The following ENDOV variants were observed in gnomAD, a reference collection of about 807,000 sequenced individuals.
ENDOV encodes endonuclease V.
A neutral mutation model predicts 39.4 loss-of-function variants in ENDOV; 37 were observed. The ratio of observed to expected loss-of-function variants is 0.94; its 90% CI spans 0.72 to 1.23. ENDOV has a LOEUF of 1.23. Among genes scored for constraint, ENDOV ranks in the 50% most tolerant of loss-of-function variants. ENDOV has a pLI of 0.00. For missense variants in ENDOV, 441 were observed against 375.7 expected (o/e 1.17, Z -1.44); for synonymous variants, 186 against 163.4 (o/e 1.14, Z -1.05).
intron 9 of ENDOV, among the ~76,000 whole-genome samples, chr17:80,435,352 G>T (rs1443664137): frequency 6.6e-6 from 1 of 152,214 alleles, no homozygotes; most frequent in Non-Finnish European, 1.5e-5. Flanking sequence ...TATAGTTTTA[G>T]TGCTTCTTAC....
Position 80,429,802 on chromosome 17 carries a change from GC to G in ENDOV, c.813del (p.Gly273GlufsTer29). On this transcript the variant is annotated frameshift_variant, in exon 9 of 10. Coordinates refer to ENST00000518137, the MANE Select transcript of ENDOV (RefSeq NM_173627.5). LOFTEE classifies it high-confidence loss of function. ...CCGAAGGCGCAGAGGCCAGTGGCAT[GC>G]CCCAAAGGAGACTCCGGAGAGTCCT... ...RSPKAQRPVACPKGDSGESSA... is the reference protein window; with the variant it reads ...RSPKAQRPVAXPKGDSGESSA... 6 of 1,612,070 alleles carry G rather than the reference GC, an allele frequency of 3.7e-6. No individual in the cohort carries two copies. Among genetic ancestry groups the G allele is most frequent in the Non-Finnish European group, 5.1e-6 (6 of 1,179,546 alleles).
chr17:80,422,829 A>G (rs41298724), intron 4 of ENDOV, among the ~76,000 whole-genome samples: 2,045 of 152,248 alleles, frequency 0.013, 49 homozygotes, highest in African/African-American at 0.046. Flanking sequence ...CCTCCTGAGT[A>G]GCTGAGACTA....
intron 5 of ENDOV, among the ~76,000 whole-genome samples, chr17:80,424,703 C>G (rs2082469235): frequency 1.3e-5 from 2 of 152,200 alleles, no homozygotes; most frequent in African/African-American, 4.8e-5. Context: ...CTCCTGTAAT[C>G]CCAGCACTTT....
chr17:80,428,008 AC>A (rs1306110855), intron 7 of ENDOV, among the ~76,000 whole-genome samples: 2 of 151,566 alleles, frequency 1.3e-5, no homozygotes, highest in Admixed American at 6.6e-5. Context: ...CCAGGGCCAG[AC>A]CCCCCATGCC....
intron 4 of ENDOV, among the ~76,000 whole-genome samples, chr17:80,423,057 A>G (rs550404968): frequency 6.6e-6 from 1 of 152,348 alleles, no homozygotes; most frequent in East Asian, 1.9e-4. Context: ...AGCAGCACCC[A>G]GAGAGGGCCC....
At chr17:80,416,708 C>T (rs991749868) in intron 2 of ENDOV, among the ~76,000 whole-genome samples, 13 of 147,040 alleles carry the variant, frequency 8.8e-5, no homozygotes, top group African/African-American at 3.3e-4. Flanking sequence ...CCCTCCCTCC[C>T]TCCCTTCCTT....
At position 80,436,366 on chromosome 17, in the gene ENDOV, C is replaced by T. The variant is rs2083596425; in HGVS notation, c.*223C>T. 10 of 1,482,132 alleles carry T rather than the reference C, an allele frequency of 6.7e-6. No individual in the cohort carries two copies. Among genetic ancestry groups the T allele is most frequent in the South Asian group, 1.3e-5 (1 of 79,526 alleles). 91.8% of individuals were successfully genotyped at this position (1,482,132 alleles called of 1,614,324 possible). On this transcript the variant is annotated 3_prime_UTR_variant, in exon 10 of 10. Transcript: ENST00000518137. ...TGTCTTGTTCCTGATCTTAAGGGAA[C>T]GTTTGCAGTCTTTCACCACTAGATG...
chr17:80,415,422 C>T lies in ENDOV; in HGVS notation c.56+172C>T, dbSNP rs1262252681. 17 of 1,016,914 alleles carry T rather than the reference C, an allele frequency of 1.7e-5. No homozygotes were observed. The Middle Eastern group carries it at 1.3e-3, about 76-fold the overall frequency. 63.0% of individuals were successfully genotyped at this position (1,016,914 alleles called of 1,614,324 possible). Reference sequence around the variant, plus strand: ...CGGAGGGATCTCAGGAATTGTAGTCCGCGGGGTGGGCGCGGTTCTCGCTTC... The same window carrying T: ...CGGAGGGATCTCAGGAATTGTAGTCTGCGGGGTGGGCGCGGTTCTCGCTTC... On this transcript the variant is annotated intron_variant, in intron 1 of 9. Coordinates refer to ENST00000518137, the MANE Select transcript of ENDOV (RefSeq NM_173627.5).
chr17:80,425,239 G>A (rs1009841900), intron 6 of ENDOV, 139 bp downstream of exon 6: 62 of 869,626 alleles, frequency 7.1e-5, no homozygotes, highest in Non-Finnish European at 1.0e-4. Context: ...CCATCCTCCT[G>A]CCTCTGACTG....
chr17:80,419,710 C>G (rs996750990), intron 2 of ENDOV: 4 of 701,034 alleles, frequency 5.7e-6, no homozygotes, highest in Middle Eastern at 2.3e-4. Context: ...TGACGTCCAG[C>G]TTCTTCACTG....
intron 9 of ENDOV, chr17:80,430,149 C>T (rs1054847552): frequency 1.5e-5 from 22 of 1,513,868 alleles, no homozygotes; most frequent in Admixed American, 2.1e-5. Flanking sequence ...CTCTTTGCTC[C>T]GTCATCGGCT....
At chr17:80,432,427 G>T (rs1414420091) in intron 9 of ENDOV, among the ~76,000 whole-genome samples, 1 of 152,126 alleles carries the variant, frequency 6.6e-6, no homozygotes, top group African/African-American at 2.4e-5. Context: ...GCCGTGGACA[G>T]CCTCCAGAGG....
At chr17:80,426,069 C>T (rs539745322) in intron 7 of ENDOV, among the ~76,000 whole-genome samples, 2 of 152,270 alleles carry the variant, frequency 1.3e-5, no homozygotes, top group Non-Finnish European at 2.9e-5. Flanking sequence ...TGGGTATGCC[C>T]GCCCCAGGAC....
intron 9 of ENDOV, chr17:80,430,476 C>G: frequency 1.0e-6 from 1 of 953,190 alleles, no homozygotes; most frequent in South Asian, 1.5e-5. Flanking sequence ...CCCAGCCACA[C>G]TGAACCACCT....
chr17:80,419,807 T>C, intron 2 of ENDOV: 1 of 644,898 alleles, frequency 1.6e-6, no homozygotes, highest in Non-Finnish European at 2.9e-6. Context: ...TTGGATGTGG[T>C]CTACCCAAGT....
chr17:80,422,120 G>A, intron 3 of ENDOV, 86 bp from the exon 4 acceptor site: 6 of 1,588,944 alleles, frequency 3.8e-6, no homozygotes, highest in South Asian at 2.3e-5. Flanking sequence ...CCCAGAGACA[G>A]TGCCCCCTTC....
chr17:80,416,474 C>T (rs2081203486), intron 2 of ENDOV, among the ~76,000 whole-genome samples: 1 of 152,072 alleles, frequency 6.6e-6, no homozygotes, highest in South Asian at 2.1e-4. Flanking sequence ...CACTAGCTCG[C>T]TTTTATTCTG....
rs754372762 is a variant in ENDOV at position 80,424,987 on chromosome 17, A to T, written c.517-45A>T. The T allele has an allele frequency of 3.9e-5, 60 of 1,540,648 alleles. No homozygotes were observed. In the East Asian group the frequency reaches 1.3e-3, roughly 32 times the overall value. ...AGAGACTTGCCTTCAGCCCTTCACC[A>T]AGAAGAGAGGGGTTTTTTTCCCCAT... On this transcript the variant is annotated intron_variant, in intron 5 of 9. Transcript: ENST00000518137.
At chr17:80,430,275 C>T (rs2083247393) in intron 9 of ENDOV, 2 of 1,488,508 alleles carry the variant, frequency 1.3e-6, no homozygotes, top group Admixed American at 4.5e-5. Context: ...GAGCTGCAGC[C>T]TGCACGACCC....
Sources: allele counts gnomAD v4.1 joint callset (sites outside exome capture counted in the v4.1 genomes callset), GRCh38; gene constraint gnomAD v4.1.1; transcripts MANE v1.5; gene names NCBI Gene and HGNC (gene_info 2026-07-23, HGNC 2026-07-21).